Variants in LDLRAD4 observed in about 807,000 individuals in gnomAD.
The protein encoded by LDLRAD4 is low-density lipoprotein receptor class A domain-containing protein 4.
Under a neutral mutation model 17.0 loss-of-function variants are expected in LDLRAD4, and 5 were observed. That is an observed-to-expected ratio of 0.29 (90% confidence interval 0.15 to 0.62). The LOEUF (loss-of-function observed/expected upper bound fraction) is 0.62, where lower values mean the gene tolerates loss of function less well. Ranked by LOEUF, LDLRAD4 falls within the 20% of genes least tolerant of loss-of-function variation. The pLI is 0.84. For missense variants in LDLRAD4, 340 were observed against 424.7 expected, an observed-to-expected ratio of 0.80 and a Z score of 1.75; for synonymous variants, 168 against 171.8, an observed-to-expected ratio of 0.98 and a Z score of 0.17.
At chr18:13,382,928 G>C (rs1445757911) in intron 1 of LDLRAD4, among the ~76,000 whole-genome samples, 2 of 152,262 alleles carry the variant, frequency 1.3e-5, no homozygotes, top group East Asian at 1.9e-4. Context: ...CTCTCTCTCT[G>C]TAGCCTGAGG....
At chr18:13,301,521 C>T (rs1432756344) in intron 1 of LDLRAD4, among the ~76,000 whole-genome samples, 1 of 152,174 alleles carries the variant, frequency 6.6e-6, no homozygotes. Flanking sequence ...ACCCACAGTG[C>T]CAGCAGGAAC....
intron 1 of LDLRAD4, among the ~76,000 whole-genome samples, chr18:13,303,444 TTC>T (rs548920024): frequency 3.6e-4 from 54 of 151,854 alleles, no homozygotes; most frequent in Non-Finnish European, 6.8e-4. Context: ...CTCTCGCTCT[TTC>T]TCTCTCTCTC....
chr18:13,301,558 T>C (rs11659839), intron 1 of LDLRAD4, among the ~76,000 whole-genome samples: 22,540 of 152,172 alleles, frequency 0.15, 1,781 homozygotes, highest in South Asian at 0.18. Flanking sequence ...TCTCTTCAGC[T>C]GAACTTGCAC....
chr18:13,528,140 G>A (rs1308192380), intron 3 of LDLRAD4, among the ~76,000 whole-genome samples: 1 of 152,142 alleles, frequency 6.6e-6, no homozygotes, highest in Non-Finnish European at 1.5e-5. Context: ...ACAGCAGCCT[G>A]GTAGCAGATC....
chr18:13,575,956 T>C (rs2094763557), intron 3 of LDLRAD4, among the ~76,000 whole-genome samples: 1 of 152,362 alleles, frequency 6.6e-6, no homozygotes, highest in East Asian at 1.9e-4. Context: ...TTTGAGTTCC[T>C]TGTAGATTAT....
At chr18:13,238,648 T>G (rs73415379) in intron 1 of LDLRAD4, among the ~76,000 whole-genome samples, 6,531 of 152,286 alleles carry the variant, frequency 0.043, 398 homozygotes, top group East Asian at 0.33. Context: ...CAGCCTGGGT[T>G]CACATCTCTG....
chr18:13,465,440 A>G (rs1347672527), intron 3 of LDLRAD4, among the ~76,000 whole-genome samples: 2 of 152,220 alleles, frequency 1.3e-5, no homozygotes, highest in Non-Finnish European at 2.9e-5. Context: ...TTATGGACAA[A>G]TGCCCATCCT....
rs1019049732 is a variant in LDLRAD4, at chr18:13,621,845, G to A, written c.336+574G>A. ...GCTTGTCGGCGGTAGGGTTGTCGGC[G>A]GTGGGTTGTGGAGGGTGGGGTTGTG... On this transcript the variant is annotated intron_variant, in intron 4 of 5. Transcript: ENST00000359446. This position sits in a 1 kb window ranked among gnomAD's most constrained non-coding sequence, Gnocchi z 5.5. 2.6e-5 allele frequency among the ~76,000 whole-genome samples: 4 copies of A among 151,740 alleles called. No homozygotes were observed. The highest frequency in any genetic ancestry group is 4.8e-5 in the African/African-American group (2 of 41,320).
chr18:13,236,177 T>A (rs2042321499), intron 1 of LDLRAD4, among the ~76,000 whole-genome samples: 1 of 152,156 alleles, frequency 6.6e-6, no homozygotes, highest in African/African-American at 2.4e-5. Flanking sequence ...CACCCGTCGC[T>A]CCCGAGCTGG....
At chr18:13,387,686 CG>C in exon 2 of LDLRAD4, 1 of 1,609,420 alleles carries the variant, frequency 6.2e-7, no homozygotes, top group Non-Finnish European at 8.5e-7. Flanking sequence ...GACGGGACAG[CG>C]CAAGAGTTGG....
intron 4 of LDLRAD4, among the ~76,000 whole-genome samples, chr18:13,625,980 C>G (rs2041133479): frequency 6.6e-6 from 1 of 151,672 alleles, no homozygotes; most frequent in Non-Finnish European, 1.5e-5. Context: ...GCCAGTCAAC[C>G]TTTGTCGCCA....
intron 3 of LDLRAD4, among the ~76,000 whole-genome samples, chr18:13,570,963 C>T (rs1351850861): frequency 5.9e-5 from 9 of 152,096 alleles, no homozygotes; most frequent in African/African-American, 1.2e-4. Context: ...GGACTACAGG[C>T]GCATACCACC....
chr18:13,446,305 A>G (rs1377823415), intron 3 of LDLRAD4, among the ~76,000 whole-genome samples: 1 of 152,016 alleles, frequency 6.6e-6, no homozygotes, highest in Non-Finnish European at 1.5e-5. Flanking sequence ...TGGAGGTGCT[A>G]TTTTCCCCTC....
intron 1 of LDLRAD4, among the ~76,000 whole-genome samples, chr18:13,287,584 G>T (rs11659806): frequency 0.12 from 18,819 of 152,146 alleles, 1,675 homozygotes; most frequent in East Asian, 0.52. Context: ...ACCCTATGGT[G>T]TGGGCTTCTG....
chr18:13,399,581 G>A (rs996656391), intron 2 of LDLRAD4, among the ~76,000 whole-genome samples: 4 of 152,172 alleles, frequency 2.6e-5, no homozygotes, highest in African/African-American at 9.7e-5. Flanking sequence ...TCACTTTATT[G>A]ACCAAACTTG....
chr18:13,337,874 C>T lies in LDLRAD4; in HGVS notation c.-382-49467C>T, dbSNP rs141489692. ...AGGCCATCTCTAAAAAAAAGAAAAG[C>T]TCATGCTCTTTCACTATACCATGGT... On this transcript the variant is annotated intron_variant, in intron 1 of 5. Transcript: ENST00000359446. Among the ~76,000 whole-genome samples, 175 of 152,092 alleles carry T rather than the reference C, an allele frequency of 1.2e-3. 1 individual carries two copies. In the Middle Eastern group the frequency reaches 0.017, roughly 15 times the overall value.
At chr18:13,253,769 G>C (rs13381459) in intron 1 of LDLRAD4, among the ~76,000 whole-genome samples, 17,029 of 152,222 alleles carry the variant, frequency 0.11, 1,822 homozygotes, top group African/African-American at 0.28. Context: ...TCTGGGTATC[G>C]GAGCATCTCT....
intron 2 of LDLRAD4, among the ~76,000 whole-genome samples, chr18:13,388,819 GC>G (rs1437146816): frequency 1.3e-5 from 2 of 152,246 alleles, no homozygotes; most frequent in African/African-American, 4.8e-5. Context: ...CCCAACCTCG[GC>G]CGCTTCCGTG....
At chr18:13,226,910 A>G (rs935384109) in intron 1 of LDLRAD4, among the ~76,000 whole-genome samples, 4 of 152,122 alleles carry the variant, frequency 2.6e-5, no homozygotes, top group Non-Finnish European at 4.4e-5. Context: ...TGAACTTGCA[A>G]TGGAGAATGA....
Sources: allele counts gnomAD v4.1 joint callset (sites outside exome capture counted in the v4.1 genomes callset), GRCh38; gene constraint gnomAD v4.1.1; non-coding constraint Gnocchi (gnomAD v3.1); transcripts MANE v1.5; gene names NCBI Gene and HGNC (gene_info 2026-07-23, HGNC 2026-07-21).